SYCP2: variants seen among roughly 807,000 people sequenced by gnomAD.
SYCP2 encodes the protein synaptonemal complex protein 2.
Under a neutral mutation model 211.3 loss-of-function variants are expected in SYCP2, and 55 were observed. The observed-to-expected ratio is 0.26, with a 90% CI of 0.21 to 0.33. The LOEUF is 0.33. Ranked by LOEUF, SYCP2 falls within the 10% of genes least tolerant of loss-of-function variation. SYCP2 has a pLI of 1.00. For synonymous variants in SYCP2, 570 were observed against 555.2 expected (o/e 1.03, Z -0.37); for missense variants, 1,731 against 1,752.0 (o/e 0.99, Z 0.21).
At chr20:59,871,647 T>C (rs973410408) in intron 35 of SYCP2, among the ~76,000 whole-genome samples, 3 of 151,914 alleles carry the variant, frequency 2.0e-5, no homozygotes, top group African/African-American at 4.8e-5. Context: ...GGACCTCTTG[T>C]GGATATCAAA....
At chr20:59,916,391 T>C in intron 8 of SYCP2, 95 bp downstream of exon 8, 1 of 703,426 alleles carries the variant, frequency 1.4e-6, no homozygotes, top group Admixed American at 2.5e-5. Flanking sequence ...AGCTAAGTAA[T>C]TTTGTCCTAC....
At chr20:59,916,709 A>G (rs1446483807) in intron 7 of SYCP2, 138 bp from the exon 8 acceptor site, 1 of 573,134 alleles carries the variant, frequency 1.7e-6, no homozygotes, top group Non-Finnish European at 3.1e-6. Flanking sequence ...GAAGGCCCAG[A>G]TAGGTAGACT....
intron 24 of SYCP2, among the ~76,000 whole-genome samples, chr20:59,887,451 T>C (rs1459918546): frequency 6.6e-6 from 1 of 152,208 alleles, no homozygotes; most frequent in Non-Finnish European, 1.5e-5. Flanking sequence ...AGTGCCACAA[T>C]GAACATACGT....
At chr20:59,916,028 TA>T (rs1289140250) in intron 8 of SYCP2, among the ~76,000 whole-genome samples, 1 of 151,964 alleles carries the variant, frequency 6.6e-6, no homozygotes, top group Non-Finnish European at 1.5e-5. Flanking sequence ...ATAATGAATA[TA>T]AAAACAACAT....
intron 4 of SYCP2, 25 bp downstream of exon 4, chr20:59,921,285 T>C (rs1349084892): frequency 1.3e-6 from 2 of 1,568,030 alleles, no homozygotes; most frequent in Middle Eastern, 1.7e-4. Context: ...ATTGTAACAA[T>C]CATTCAGCAA....
chr20:59,874,847 T>C (rs1205351575), intron 34 of SYCP2, among the ~76,000 whole-genome samples: 1 of 152,076 alleles, frequency 6.6e-6, no homozygotes, highest in African/African-American at 2.4e-5. Context: ...TATACGGTAT[T>C]AATCCACTGT....
intron 2 of SYCP2, among the ~76,000 whole-genome samples, chr20:59,931,180 G>GA (rs1479661754): frequency 1.3e-5 from 2 of 152,306 alleles, no homozygotes; most frequent in South Asian, 2.1e-4. Context: ...AGCACTGTGG[G>GA]AGGCCCAGGC....
At chr20:59,868,312 A>G (rs1459622836) in intron 38 of SYCP2, 101 bp downstream of exon 38, 4 of 1,239,132 alleles carry the variant, frequency 3.2e-6, no homozygotes, top group Non-Finnish European at 4.5e-6. Flanking sequence ...GGACATATCC[A>G]AAGTTGTCTT....
intron 24 of SYCP2, among the ~76,000 whole-genome samples, chr20:59,891,222 T>C (rs1227489939): frequency 6.6e-6 from 1 of 152,008 alleles, no homozygotes; most frequent in Non-Finnish European, 1.5e-5. Context: ...AAACCTGGAT[T>C]ATTTCAGAAA....
chr20:59,915,248 A>T (rs1372939431), intron 9 of SYCP2, 49 bp from the exon 10 acceptor site: 1 of 1,350,814 alleles, frequency 7.4e-7, no homozygotes, highest in Non-Finnish European at 1.0e-6. Flanking sequence ...TCAATTAAAT[A>T]GGAAGTCCAC....
intron 15 of SYCP2, among the ~76,000 whole-genome samples, chr20:59,902,047 AAGAT>A (rs1278948562): frequency 2.4e-4 from 36 of 152,174 alleles, no homozygotes; most frequent in Admixed American, 1.9e-3. Context: ...TATAACTAAT[AAGAT>A]AGAATCCTAA....
intron 15 of SYCP2, among the ~76,000 whole-genome samples, chr20:59,906,106 T>C (rs1162208629): frequency 1.3e-5 from 2 of 152,184 alleles, no homozygotes; most frequent in Non-Finnish European, 2.9e-5. Context: ...AGATACACCA[T>C]GTTTATAAAC....
Position 59,920,352 on chromosome 20 carries a change from T to C in SYCP2, c.297+7A>G. 6.3e-7 allele frequency: 1 copy of C among 1,595,938 alleles called. No individual in the cohort carries two copies. The highest frequency in any genetic ancestry group is 8.6e-7 in the Non-Finnish European group (1 of 1,167,704). ...TCACATGAATATGTTACATATTCTA[T>C]ACTTATCTTTTGTATTAGTCCTTGT... On this transcript the variant is annotated splice_region_variant and intron_variant, in intron 5 of 44. Coordinates refer to ENST00000357552, the MANE Select transcript of SYCP2 (RefSeq NM_014258.4).
At chr20:59,919,368 A>T in intron 6 of SYCP2, 125 bp downstream of exon 6, 1 of 755,422 alleles carries the variant, frequency 1.3e-6, no homozygotes, top group South Asian at 1.6e-5. Flanking sequence ...ATCTGAACAG[A>T]CCAATCCAAC....
intron 26 of SYCP2, among the ~76,000 whole-genome samples, chr20:59,884,421 T>G (rs1368922018): frequency 2.0e-5 from 3 of 152,070 alleles, no homozygotes; most frequent in Non-Finnish European, 2.9e-5. Flanking sequence ...AATAAATTAA[T>G]TGTAATATAC....
chr20:59,880,175 T>TTTG, intron 31 of SYCP2, 128 bp downstream of exon 31: 4 of 710,706 alleles, frequency 5.6e-6, no homozygotes, highest in Non-Finnish European at 8.9e-6. Context: ...AAACTAGTGT[T>TTTG]TTGTCCTATC....
chr20:59,900,413 G>A (rs1473443939), intron 17 of SYCP2, 129 bp from the exon 18 acceptor site: 1 of 872,386 alleles, frequency 1.1e-6, no homozygotes, highest in Non-Finnish European at 1.7e-6. Flanking sequence ...TCCATGTGCT[G>A]TTATAATTTT....
At chr20:59,893,626 T>G (rs2059951722) in intron 20 of SYCP2, 33 bp from the exon 21 acceptor site, 3 of 1,502,016 alleles carry the variant, frequency 2.0e-6, no homozygotes, top group Non-Finnish European at 2.7e-6. Flanking sequence ...AACGTAAACT[T>G]AAGATGTTAT....
At chr20:59,865,349 A>T (rs368930541) in intron 44 of SYCP2, 39 bp downstream of exon 44, 2 of 1,511,474 alleles carry the variant, frequency 1.3e-6, no homozygotes, top group East Asian at 2.3e-5. Flanking sequence ...AAAAGACATT[A>T]AAGTATGATT....
Sources: gnomAD v4.1 joint callset for allele counts (sites outside exome capture counted in the v4.1 genomes callset) on GRCh38, gnomAD v4.1.1 for gene constraint, MANE v1.5 for transcripts, NCBI Gene and HGNC (gene_info 2026-07-23, HGNC 2026-07-21) for gene names.